The following PCDH15 variants were observed in gnomAD, a reference collection of about 807,000 sequenced individuals.
The protein encoded by PCDH15 is protocadherin related 15.
In PCDH15, 129 loss-of-function variants were observed where a neutral mutation model predicts 178.5. The observed-to-expected ratio is 0.72, with a 90% CI of 0.63 to 0.84. PCDH15 has a LOEUF of 0.84. Ranked by LOEUF, PCDH15 falls within the 40% of genes least tolerant of loss-of-function variation. The pLI is 0.00. For missense variants in PCDH15, 2,230 were observed against 2,099.9 expected (o/e 1.06, Z -1.21); for synonymous variants, 800 against 732.0 (o/e 1.09, Z -1.50).
At chr10:55,314,868 A>T (rs1387429304) in intron 1 of PCDH15, among the ~76,000 whole-genome samples, 1 of 152,202 alleles carries the variant, frequency 6.6e-6, no homozygotes, top group Non-Finnish European at 1.5e-5. Context: ...GATGACATTC[A>T]GAGTGAGATG....
intron 3 of PCDH15, among the ~76,000 whole-genome samples, chr10:54,894,221 A>C (rs951911850): frequency 6.6e-6 from 1 of 152,146 alleles, no homozygotes; most frequent in Non-Finnish European, 1.5e-5. Flanking sequence ...AACAAAGTGC[A>C]TTCATAAAGC....
chr10:54,840,337 G>A (rs1340803828), intron 3 of PCDH15, among the ~76,000 whole-genome samples: 1 of 151,904 alleles, frequency 6.6e-6, no homozygotes, highest in Non-Finnish European at 1.5e-5. Flanking sequence ...AAAGTGTAGA[G>A]TTTTTATAGC....
rs138623247 is a variant in PCDH15, at chr10:54,215,997, C to T, written c.986-1949G>A. On this transcript the variant is annotated intron_variant, in intron 9 of 37. Coordinates refer to ENST00000644397, the MANE Select transcript of PCDH15 (RefSeq NM_001384140.1). ...GGCGGAGCTTGCAGTGAGCTGAGAT[C>T]GTACCACTGCACTACAGCCTGGGCT... Among the ~76,000 whole-genome samples, 512 of 64,946 alleles carry T rather than the reference C, an allele frequency of 7.9e-3. 3 individuals carry two copies. The highest frequency in any genetic ancestry group is 0.021 in the African/African-American group (480 of 22,540). The allele number at this position is 64,946 out of a possible 152,430, so 42.6% of individuals were successfully genotyped here.
intron 5 of PCDH15, among the ~76,000 whole-genome samples, chr10:54,348,021 T>C (rs555231890): frequency 6.6e-6 from 1 of 151,716 alleles, no homozygotes; most frequent in East Asian, 2.0e-4. Context: ...GCTAATTTTT[T>C]GTATTTTTAG....
At chr10:54,801,931 T>TAATTTCTTAAG, upstream of PCDH15, among the ~76,000 whole-genome samples, 2 of 152,218 alleles carry the variant, frequency 1.3e-5, no homozygotes, top group Non-Finnish European at 2.9e-5. Flanking sequence ...TTATGTCATA[T>TAATTTCTTAAG]AAATCAGAGA....
At chr10:54,127,801 T>C (rs1053223331) in intron 15 of PCDH15, among the ~76,000 whole-genome samples, 7 of 152,236 alleles carry the variant, frequency 4.6e-5, no homozygotes, top group African/African-American at 1.7e-4. Flanking sequence ...CAGGCTTTTA[T>C]ATTGATCATC....
chr10:55,306,479 G>A (rs72803843), intron 1 of PCDH15, among the ~76,000 whole-genome samples: 4,208 of 152,174 alleles, frequency 0.028, 76 homozygotes, highest in Middle Eastern at 0.044. Flanking sequence ...CTCTTGGAGA[G>A]TATAGTGTTA....
intron 2 of PCDH15, chr10:55,469,019 T>C (rs998399406): frequency 6.6e-6 from 1 of 152,138 alleles, no homozygotes; most frequent in Admixed American, 6.5e-5. Flanking sequence ...AAGTGTTTTT[T>C]TTAAAAGAAG....
At chr10:55,125,384 C>A (rs1458930971) in intron 2 of PCDH15, among the ~76,000 whole-genome samples, 1 of 152,026 alleles carries the variant, frequency 6.6e-6, no homozygotes, top group Non-Finnish European at 1.5e-5. Flanking sequence ...GTGACGTCTC[C>A]TTCTCTGGAG....
At chr10:54,706,365 T>C (rs1045233894) in intron 1 of PCDH15, among the ~76,000 whole-genome samples, 8 of 152,260 alleles carry the variant, frequency 5.3e-5, no homozygotes, top group African/African-American at 1.4e-4. Flanking sequence ...AAAATGAGTG[T>C]ATTGGGTTTC....
intron 2 of PCDH15, among the ~76,000 whole-genome samples, chr10:55,057,873 A>G (rs1841342123): frequency 6.6e-6 from 1 of 152,100 alleles, no homozygotes; most frequent in South Asian, 2.1e-4. Context: ...TCTTTAAATG[A>G]TCTTTCATTT....
At chr10:54,478,081 C>T (rs1326310454) in intron 3 of PCDH15, among the ~76,000 whole-genome samples, 2 of 151,752 alleles carry the variant, frequency 1.3e-5, no homozygotes. Context: ...ATCTAGTCGC[C>T]CTAATAATAT....
At chr10:54,390,488 G>A (rs1950426739) in intron 3 of PCDH15, among the ~76,000 whole-genome samples, 1 of 151,986 alleles carries the variant, frequency 6.6e-6, no homozygotes, top group African/African-American at 2.4e-5. Context: ...GTAGAGACAG[G>A]GTTTCACCAT....
intron 1 of PCDH15, among the ~76,000 whole-genome samples, chr10:55,172,760 C>T (rs1054167794): frequency 6.6e-6 from 1 of 151,218 alleles, no homozygotes; most frequent in African/African-American, 2.4e-5. Context: ...TAAAAAGTGC[C>T]CAAAGGAGAG....
At chr10:55,484,981 AT>A (rs969646769) in intron 2 of PCDH15, among the ~76,000 whole-genome samples, 2 of 151,736 alleles carry the variant, frequency 1.3e-5, no homozygotes, top group African/African-American at 2.4e-5. Context: ...CTGGGGAAGG[AT>A]TTTTTTGTCA....
At chr10:54,224,222 A>G (rs2134227969) in intron 9 of PCDH15, among the ~76,000 whole-genome samples, 1 of 152,338 alleles carries the variant, frequency 6.6e-6, no homozygotes, top group Admixed American at 6.5e-5. Context: ...AACACTGCTA[A>G]TGAAAACACC....
At chr10:55,599,724 A>G in intron 2 of PCDH15, 1 of 395,802 alleles carries the variant, frequency 2.5e-6, no homozygotes, top group South Asian at 7.6e-5. Flanking sequence ...AGGAAAGATT[A>G]CAAAAAGTAA....
chr10:54,497,476 A>G (rs1242013002), intron 3 of PCDH15, among the ~76,000 whole-genome samples: 2 of 152,136 alleles, frequency 1.3e-5, no homozygotes, highest in African/African-American at 4.8e-5. Context: ...CAGACATAGA[A>G]TTTGGAATCT....
intron 2 of PCDH15, among the ~76,000 whole-genome samples, chr10:55,398,885 A>C (rs1197244600): frequency 6.6e-6 from 1 of 152,276 alleles, no homozygotes; most frequent in East Asian, 1.9e-4. Context: ...ATCAGAAAAA[A>C]TATGCACTCT....
Sources: gnomAD v4.1 joint callset for allele counts (sites outside exome capture counted in the v4.1 genomes callset) on GRCh38, gnomAD v4.1.1 for gene constraint, MANE v1.5 for transcripts, NCBI Gene and HGNC (gene_info 2026-07-23, HGNC 2026-07-21) for gene names.